Variants in RGS12 observed in about 807,000 individuals in gnomAD.
RGS12 encodes regulator of G-protein signaling 12.
RGS12 carries 66 observed loss-of-function variants against 120.1 expected under a neutral mutation model. The observed-to-expected ratio is 0.55, with a 90% CI of 0.45 to 0.67. RGS12 has a LOEUF of 0.67. RGS12 is among the 30% of genes least tolerant of loss of function. The pLI, the probability that RGS12 is intolerant of heterozygous loss-of-function variation, is 0.00. For missense variants in RGS12, 1,859 were observed against 1,957.7 expected (o/e 0.95, Z 0.95); for synonymous variants, 827 against 804.7 (o/e 1.03, Z -0.47).
At chr4:3,320,902 C>G (rs1725136755) in intron 2 of RGS12, among the ~76,000 whole-genome samples, 2 of 152,116 alleles carry the variant, frequency 1.3e-5, no homozygotes, top group Non-Finnish European at 2.9e-5. Flanking sequence ...AAGGGGCCAG[C>G]AGGGATGCAG....
chr4:3,331,268 C>CT (rs1393547812), intron 2 of RGS12, among the ~76,000 whole-genome samples: 2 of 151,940 alleles, frequency 1.3e-5, no homozygotes, highest in Non-Finnish European at 2.9e-5. Context: ...GGAAAGAATA[C>CT]AAAGGAAACA....
At chr4:3,312,190 T>C (rs1283130155) in intron 1 of RGS12, among the ~76,000 whole-genome samples, 1 of 152,192 alleles carries the variant, frequency 6.6e-6, no homozygotes, top group African/African-American at 2.4e-5. Context: ...CCCATGGTCT[T>C]CTAAATTTCA....
intron 1 of RGS12, among the ~76,000 whole-genome samples, chr4:3,315,124 T>C (rs1272047312): frequency 6.6e-6 from 1 of 152,138 alleles, no homozygotes; most frequent in Non-Finnish European, 1.5e-5. Flanking sequence ...GGGAGTTAAG[T>C]GCGTCCTGCG....
chr4:3,354,166 T>C (rs1454406925), intron 3 of RGS12, among the ~76,000 whole-genome samples: 1 of 152,192 alleles, frequency 6.6e-6, no homozygotes, highest in Non-Finnish European at 1.5e-5. Flanking sequence ...ATACCCTTGC[T>C]GGCTGCCCAG....
upstream of RGS12, among the ~76,000 whole-genome samples, chr4:3,289,946 T>A (rs1438318816): frequency 1.3e-5 from 2 of 152,252 alleles, no homozygotes; most frequent in African/African-American, 4.8e-5. Context: ...TTCACTGTTA[T>A]AATGTCCCCC....
intron 6 of RGS12, 73 bp from the exon 7 acceptor site, chr4:3,415,894 GCCCGGGGGTGT>G: frequency 6.8e-7 from 1 of 1,461,300 alleles, no homozygotes; most frequent in Non-Finnish European, 9.3e-7. Context: ...CATCTGTAGA[GCCCGGGGGTGT>G]CGGGCCTTGG....
chr4:3,348,225 T>C (rs1454686977), intron 3 of RGS12, among the ~76,000 whole-genome samples: 1 of 152,238 alleles, frequency 6.6e-6, no homozygotes, highest in Non-Finnish European at 1.5e-5. Context: ...TAGTCATTCA[T>C]TTAACCAGAA....
In RGS12 at chr4:3,421,095, G is replaced by A. The variant is rs146397839; in HGVS notation, c.2838+377G>A. On this transcript the variant is annotated intron_variant, in intron 10 of 17. Transcript: ENST00000336727. ...AATCAGGCGCTCCCTGTCTCAGCGC[G>A]TGAGCATCCCACCCACTCCCACACT... 2.2e-3 allele frequency among the ~76,000 whole-genome samples: 337 copies of A among 152,290 alleles called. 2 individuals carry two copies. The highest frequency in any genetic ancestry group is 7.7e-3 in the African/African-American group (321 of 41,560).
chr4:3,343,180 C>T, intron 3 of RGS12, 127 bp downstream of exon 3: 1 of 645,534 alleles, frequency 1.5e-6, no homozygotes, highest in Middle Eastern at 4.2e-4. Flanking sequence ...GTAGTGGTAA[C>T]CCCTGTTTTC....
At position 3,430,207 on chromosome 4, in the gene RGS12, A is replaced by T. The variant is rs181240788; in HGVS notation, c.3566-200A>T. On this transcript the variant is annotated intron_variant, in intron 16 of 17. Coordinates refer to ENST00000336727, the MANE Select transcript of RGS12 (RefSeq NM_001394154.1). Reference sequence around the variant, plus strand: ...ACACAGCTTTTTCAGACTCCTGAAGACAGAGTATGCTAGAAGCCCCAGGGC... The same window carrying T: ...ACACAGCTTTTTCAGACTCCTGAAGTCAGAGTATGCTAGAAGCCCCAGGGC... Among the ~76,000 whole-genome samples the T allele has an allele frequency of 9.6e-4, 146 of 152,300 alleles. 1 individual carries two copies. The highest frequency in any genetic ancestry group is 2.7e-3 in the Admixed American group (42 of 15,306).
intron 4 of RGS12, among the ~76,000 whole-genome samples, chr4:3,409,808 C>T (rs551800431): frequency 7.9e-5 from 12 of 152,234 alleles, no homozygotes; most frequent in Non-Finnish European, 1.3e-4. Context: ...GGGGCAGCCT[C>T]CTTTCTGCCT....
intron 2 of RGS12, among the ~76,000 whole-genome samples, chr4:3,332,696 T>TA (rs754838264): frequency 4.0e-4 from 61 of 152,362 alleles, no homozygotes; most frequent in Admixed American, 8.5e-4. Flanking sequence ...GCGGGAATGA[T>TA]AGACGCTGGC....
At chr4:3,321,820 T>C (rs1278887353) in intron 2 of RGS12, among the ~76,000 whole-genome samples, 1 of 152,258 alleles carries the variant, frequency 6.6e-6, no homozygotes, top group Non-Finnish European at 1.5e-5. Context: ...CCCTTAGCCC[T>C]AGAACAATCT....
At chr4:3,288,359 G>C (rs181473456), upstream of RGS12, among the ~76,000 whole-genome samples, 1,625 of 152,238 alleles carry the variant, frequency 0.011, 23 homozygotes, top group African/African-American at 0.032. The surrounding 1 kb of genome is among the most constrained non-coding windows in gnomAD (Gnocchi z 5.2). Context: ...AAGGGTGTGA[G>C]CCGCGCAGAG....
At chr4:3,355,495 AT>A (rs917183449) in intron 3 of RGS12, among the ~76,000 whole-genome samples, 3 of 152,182 alleles carry the variant, frequency 2.0e-5, no homozygotes, top group African/African-American at 7.2e-5. Context: ...AGATGATGTG[AT>A]TGTAACAGAA....
At chr4:3,378,153 C>T (rs1456769651) in intron 3 of RGS12, 1 of 152,152 alleles carries the variant, frequency 6.6e-6, no homozygotes, top group Admixed American at 6.6e-5. Context: ...TGCTTTAATG[C>T]ATAAACATGT....
chr4:3,318,049 A>G lies in RGS12; in HGVS notation c.1879A>G (p.Lys627Glu). ...TGTTCGAAAGACTAAGGAAGATAAA[A>G]AGGTAAGCCTGCCAGGAGCCACTCA... is the stretch of plus-strand genomic sequence containing the variant. ...RNVRKTKEDK[K>E]GSKFGRGTGL... The change falls in exon 2 of 18, where the codon AAG becomes GAG. Residue 627 changes from lysine (K) to glutamate (E), a missense_variant and splice_region_variant. Around this residue, in one of 3 missense-constraint regions of RGS12, gnomAD observed 967 missense variants for 994.2 expected, o/e 0.97. Coordinates refer to ENST00000336727, the MANE Select transcript of RGS12 (RefSeq NM_001394154.1). The G allele has an allele frequency of 1.9e-6, 3 of 1,558,854 alleles. No individual in the cohort carries two copies. Among genetic ancestry groups the G allele is most frequent in the Non-Finnish European group, 2.6e-6 (3 of 1,143,732 alleles).
chr4:3,411,927 G>A (rs1407317498), intron 4 of RGS12, among the ~76,000 whole-genome samples: 3 of 152,230 alleles, frequency 2.0e-5, no homozygotes, highest in Admixed American at 1.3e-4. Context: ...ACCGCAGCTC[G>A]GAGTCAGGGC....
Position 3,433,304 on chromosome 4 carries a change from G to T in RGS12, c.4114+2349G>T, listed in dbSNP as rs914067158. Among the ~76,000 whole-genome samples the T allele has an allele frequency of 3.3e-5, 5 of 152,188 alleles. No homozygotes were observed. The highest frequency in any genetic ancestry group is 7.4e-5 in the Non-Finnish European group (5 of 68,016). ...AACAGGAGGTGTAGCCAAGCCCACG[G>T]GCTCCCGCCCTCCCCATTGCCATGG... On this transcript the variant is annotated intron_variant, in intron 17 of 17. Transcript: ENST00000336727. This position sits in a 1 kb window ranked among gnomAD's most constrained non-coding sequence, Gnocchi z 4.4.
Sources: allele counts gnomAD v4.1 joint callset (sites outside exome capture counted in the v4.1 genomes callset), GRCh38; gene constraint gnomAD v4.1.1; regional missense constraint gnomAD v4.1.1; non-coding constraint Gnocchi (gnomAD v3.1); transcripts MANE v1.5; gene names NCBI Gene and HGNC (gene_info 2026-07-23, HGNC 2026-07-21).